CPSF4: variants seen among roughly 807,000 people sequenced by gnomAD.
CPSF4 encodes the protein cleavage and polyadenylation specificity factor subunit 4.
A neutral mutation model predicts 37.7 loss-of-function variants in CPSF4; 11 were observed. That is an observed-to-expected ratio of 0.29 (90% CI 0.18 to 0.48). CPSF4 has a LOEUF of 0.48. CPSF4 is among the 20% of genes least tolerant of loss of function. The pLI is 0.99. For synonymous variants in CPSF4, 132 were observed against 135.9 expected (o/e 0.97, Z 0.20); for missense variants, 144 against 359.5 (o/e 0.40, Z 4.85).
chr7:99,453,709 C>T lies in CPSF4; in HGVS notation c.571-257C>T. 1 of 434,918 alleles carries T rather than the reference C, an allele frequency of 2.3e-6. No homozygotes were observed. The highest frequency in any genetic ancestry group is 4.1e-6 in the Non-Finnish European group (1 of 244,066). The allele number at this position is 434,918 out of a possible 1,614,324, so 26.9% of individuals were successfully genotyped here. ...GCCCTCGCCCCACTGCCCCAGAGAC[C>T]TCCTCTTGTCTCTTTGATGTTTTGT... On this transcript the variant is annotated intron_variant, in intron 6 of 7. Transcript: ENST00000292476. The surrounding 1 kb of genome is among the most constrained non-coding windows in gnomAD (Gnocchi z 4.7).
At chr7:99,442,668 A>C (rs1288359310) in intron 1 of CPSF4, among the ~76,000 whole-genome samples, 5 of 151,264 alleles carry the variant, frequency 3.3e-5, no homozygotes, top group Non-Finnish European at 7.4e-5. Flanking sequence ...AAAAAAAAAA[A>C]AAAAAAACAA....
chr7:99,441,283 G>A (rs537124694), intron 1 of CPSF4: 1 of 402,336 alleles, frequency 2.5e-6, no homozygotes, highest in Non-Finnish European at 5.0e-6. Context: ...ACTAGCTTGA[G>A]ACCATGGAAC....
intron 1 of CPSF4, 42 bp from the exon 2 acceptor site, chr7:99,444,747 T>C (rs1688329971): frequency 6.3e-7 from 1 of 1,587,158 alleles, no homozygotes; most frequent in Admixed American, 1.7e-5. Context: ...CAATAGCAAA[T>C]TGCACCTCTT....
At position 99,439,426 on chromosome 7, in the gene CPSF4, T is replaced by A; in HGVS notation, c.103+241T>A. The stretch of plus-strand genomic sequence containing the variant: ...ACTCCCTCATCTGTGGTCCCGAGAC[T>A]CTTCCCACTCCATCCTGAGACCTCC... On this transcript the variant is annotated intron_variant, in intron 1 of 7. Coordinates refer to ENST00000292476, the MANE Select transcript of CPSF4 (RefSeq NM_006693.4). 4 of 436,224 alleles carry A rather than the reference T, an allele frequency of 9.2e-6. No homozygotes were observed. In the South Asian group the frequency reaches 1.2e-4, roughly 13 times the overall value. The allele number at this position is 436,224 out of a possible 1,614,324, so 27.0% of individuals were successfully genotyped here.
At chr7:99,445,926 A>T (rs1168059803) in intron 2 of CPSF4, among the ~76,000 whole-genome samples, 1 of 152,178 alleles carries the variant, frequency 6.6e-6, no homozygotes, top group Non-Finnish European at 1.5e-5. Context: ...AAGTATCACT[A>T]GGTACAACCT....
At chr7:99,451,965 C>T (rs1476467046) in intron 5 of CPSF4, among the ~76,000 whole-genome samples, 1 of 152,212 alleles carries the variant, frequency 6.6e-6, no homozygotes, top group Non-Finnish European at 1.5e-5. Flanking sequence ...AGGGGCAGAC[C>T]GTCACCAAGT....
Position 99,448,878 on chromosome 7 carries a change from T to C in CPSF4, c.307+605T>C, listed in dbSNP as rs1217224605. 6.6e-6 allele frequency: 1 copy of C among 152,526 alleles called. No homozygotes were observed. The highest frequency in any genetic ancestry group is 6.5e-5 in the Admixed American group (1 of 15,296). 9.4% of individuals were successfully genotyped at this position (152,526 alleles called of 1,614,324 possible). A position where few individuals can be genotyped will look rare whatever the true frequency, so the allele number is the denominator to read the frequency against. On this transcript the variant is annotated intron_variant, in intron 3 of 7. Coordinates refer to ENST00000292476, the MANE Select transcript of CPSF4 (RefSeq NM_006693.4). The surrounding 1 kb of genome is among the most constrained non-coding windows in gnomAD (Gnocchi z 4.4). ...CTTCAAAATAACAGCCTCAGATGTG[T>C]CTTCTGGTAGCAACAAACTTGCCTT...
chr7:99,444,758 T>C, intron 1 of CPSF4, 31 bp from the exon 2 acceptor site: 1 of 1,608,346 alleles, frequency 6.2e-7, no homozygotes, highest in South Asian at 1.1e-5. Flanking sequence ...TGCACCTCTT[T>C]GATTCCTCTC....
intron 3 of CPSF4, chr7:99,449,186 A>C (rs1431867642): frequency 6.6e-6 from 1 of 152,318 alleles, no homozygotes; most frequent in Non-Finnish European, 1.5e-5. Context: ...CATGCTTTCA[A>C]AGCACTGCTG....
chr7:99,447,109 GCTTA>G (rs34079237), intron 2 of CPSF4, among the ~76,000 whole-genome samples: 41 of 149,700 alleles, frequency 2.7e-4, no homozygotes, highest in South Asian at 1.5e-3. Flanking sequence ...TGCTTGGCTG[GCTTA>G]CTTACTTACT....
chr7:99,444,864 G>A, intron 2 of CPSF4, 25 bp downstream of exon 2: 2 of 1,611,534 alleles, frequency 1.2e-6, no homozygotes, highest in Middle Eastern at 1.7e-4. Flanking sequence ...GCTCCCTGAT[G>A]TGCCTCCGGA....
chr7:99,445,031 G>A (rs1340540291), intron 2 of CPSF4, among the ~76,000 whole-genome samples, 192 bp downstream of exon 2: 1 of 152,204 alleles, frequency 6.6e-6, no homozygotes, highest in Non-Finnish European at 1.5e-5. Context: ...ACGCAGGACT[G>A]AACCTGGCTC....
At chr7:99,446,826 G>C (rs1322909847) in intron 2 of CPSF4, among the ~76,000 whole-genome samples, 1 of 86,484 alleles carries the variant, frequency 1.2e-5, no homozygotes, top group Non-Finnish European at 2.1e-5. Flanking sequence ...TTTTGCTCTT[G>C]TTGCCCAGGC....
At chr7:99,442,048 C>T (rs1236973322) in intron 1 of CPSF4, among the ~76,000 whole-genome samples, 2 of 152,194 alleles carry the variant, frequency 1.3e-5, no homozygotes, top group Non-Finnish European at 2.9e-5. Flanking sequence ...GCCATAAGTT[C>T]TATAACCTCA....
At chr7:99,452,506 C>T in intron 6 of CPSF4, 66 bp downstream of exon 6, 1 of 1,432,264 alleles carries the variant, frequency 7.0e-7, no homozygotes, top group Non-Finnish European at 9.8e-7. Context: ...CTCAGTGTCC[C>T]CCAGGGGTGT....
At position 99,443,363 on chromosome 7, in the gene CPSF4, A is replaced by G. The variant is rs550959931; in HGVS notation, c.104-1426A>G. The G allele has an allele frequency of 1.2e-4, 161 of 1,304,702 alleles. 2 individuals carry two copies. The highest frequency in any genetic ancestry group is 1.2e-3 in the South Asian group (98 of 84,794). 80.8% of individuals were successfully genotyped at this position (1,304,702 alleles called of 1,614,324 possible). A position where few individuals can be genotyped will look rare whatever the true frequency, so the allele number is the denominator to read the frequency against. ...CATCTTCATTTGCCTCCTCTTCAGCATGTTCTTCAAGATATGCCTGGAGTC... is the reference window on the plus strand; with the variant it reads ...CATCTTCATTTGCCTCCTCTTCAGCGTGTTCTTCAAGATATGCCTGGAGTC... On this transcript the variant is annotated intron_variant, in intron 1 of 7. Coordinates refer to ENST00000292476, the MANE Select transcript of CPSF4 (RefSeq NM_006693.4).
At position 99,439,079 on chromosome 7, in the gene CPSF4, C is replaced by T; in HGVS notation, c.-4C>T. 6.2e-7 allele frequency: 1 copy of T among 1,607,002 alleles called. No homozygotes were observed. Among genetic ancestry groups the T allele is most frequent in the Non-Finnish European group, 8.5e-7 (1 of 1,178,160 alleles). Reference sequence around the variant, plus strand: ...GCCGGGCCGGTGGGGCCGCCGCCGCCGCCATGCAGGAAATCATCGCCAGCG... The same window carrying T: ...GCCGGGCCGGTGGGGCCGCCGCCGCTGCCATGCAGGAAATCATCGCCAGCG... On this transcript the variant is annotated 5_prime_UTR_variant, in exon 1 of 8. Transcript: ENST00000292476.
intron 1 of CPSF4, chr7:99,442,789 A>G: frequency 2.8e-6 from 2 of 719,946 alleles, no homozygotes. Context: ...CTGCTCCCTC[A>G]TTGCAAGGCA....
At position 99,453,935 on chromosome 7, in the gene CPSF4, C is replaced by T. The variant is rs1003541872; in HGVS notation, c.571-31C>T. 6 of 1,605,908 alleles carry T rather than the reference C, an allele frequency of 3.7e-6. No homozygotes were observed. Among genetic ancestry groups the T allele is most frequent in the Non-Finnish European group, 5.1e-6 (6 of 1,173,824 alleles). ...GTAGTCTGCGTGCACGTGTTTTCCACAGTAAAACCGTGTTGTGTAACTCTT... is the reference window on the plus strand; with the variant it reads ...GTAGTCTGCGTGCACGTGTTTTCCATAGTAAAACCGTGTTGTGTAACTCTT... On this transcript the variant is annotated intron_variant, in intron 6 of 7. Transcript: ENST00000292476. This position sits in a 1 kb window ranked among gnomAD's most constrained non-coding sequence, Gnocchi z 4.7.
Sources: gnomAD v4.1 joint callset for allele counts (sites outside exome capture counted in the v4.1 genomes callset) on GRCh38, gnomAD v4.1.1 for gene constraint, Gnocchi (gnomAD v3.1) non-coding constraint, MANE v1.5 for transcripts, NCBI Gene and HGNC (gene_info 2026-07-23, HGNC 2026-07-21) for gene names.